The following SCN1A variants were observed in gnomAD, a reference collection of about 807,000 sequenced individuals.
SCN1A encodes the protein sodium voltage-gated channel alpha subunit 1, also known as sodium channel protein type 1 subunit alpha.
A neutral mutation model predicts 193.7 loss-of-function variants in SCN1A; 13 were observed. The ratio of observed to expected loss-of-function variants is 0.07; its 90% CI spans 0.04 to 0.11. The LOEUF is 0.11. Ranked by LOEUF, SCN1A falls within the 10% of genes least tolerant of loss-of-function variation. The probability of loss-of-function intolerance (pLI) is 1.00; values close to 1 mark genes in which losing one functional copy is unlikely to be tolerated. For synonymous variants in SCN1A, 781 were observed against 843.6 expected, an observed-to-expected ratio of 0.93 and a Z score of 1.29; for missense variants, 1,432 against 2,451.1, an observed-to-expected ratio of 0.58 and a Z score of 8.78.
At chr2:166,030,006 C>G (rs1695334699) in intron 19 of SCN1A, among the ~76,000 whole-genome samples, 1 of 152,150 alleles carries the variant, frequency 6.6e-6, no homozygotes, top group South Asian at 2.1e-4. Context: ...TGAAACACTC[C>G]AGACTATGCT....
chr2:166,027,208 C>T (rs939434881), intron 19 of SCN1A: 2 of 152,182 alleles, frequency 1.3e-5, no homozygotes, highest in Admixed American at 6.5e-5. Context: ...TCAATAACCA[C>T]TTAATAACTA....
intron 2 of SCN1A, among the ~76,000 whole-genome samples, chr2:166,097,948 T>C (rs991179801): frequency 4.6e-5 from 7 of 152,226 alleles, no homozygotes; most frequent in African/African-American, 1.7e-4. Context: ...ATAGAGGTCA[T>C]TGTAGAAATA....
At chr2:166,075,638 C>A (rs1301699828) in intron 3 of SCN1A, among the ~76,000 whole-genome samples, 1 of 151,874 alleles carries the variant, frequency 6.6e-6, no homozygotes, top group Non-Finnish European at 1.5e-5. Flanking sequence ...GCAAGTAATA[C>A]ATTTTTACAC....
At chr2:165,985,452 G>C (rs1393657250), downstream of SCN1A, 1 of 151,614 alleles carries the variant, frequency 6.6e-6, no homozygotes, top group Non-Finnish European at 1.5e-5. Context: ...GGAAGGAAAA[G>C]GGAAGGGAAA....
intron 4 of SCN1A, among the ~76,000 whole-genome samples, chr2:166,065,592 A>C (rs1205003615): frequency 6.6e-6 from 1 of 152,102 alleles, no homozygotes; most frequent in Non-Finnish European, 1.5e-5. Context: ...AGAGTATGCC[A>C]TATTTAATAT....
At chr2:166,050,629 A>ATATATATATATATATATATATATG (rs1553548949) in intron 9 of SCN1A, among the ~76,000 whole-genome samples, 1 of 79,148 alleles carries the variant, frequency 1.3e-5, no homozygotes, top group African/African-American at 5.7e-5. Context: ...ATATATATAT[A>ATATATATATATATATATATATATG]TATATATATG....
At chr2:166,104,679 G>A (rs966836704) in intron 2 of SCN1A, among the ~76,000 whole-genome samples, 2 of 152,116 alleles carry the variant, frequency 1.3e-5, no homozygotes, top group African/African-American at 4.8e-5. Context: ...GGAAGTGGAG[G>A]CTGCATGAGC....
At chr2:166,085,034 A>T (rs1007008111) in intron 2 of SCN1A, among the ~76,000 whole-genome samples, 2 of 152,178 alleles carry the variant, frequency 1.3e-5, no homozygotes, top group Non-Finnish European at 2.9e-5. Context: ...TGGTTCTCCC[A>T]TCCAGCCCAC....
At chr2:166,090,029 C>CTTTTTTTTTTTT (rs545740675) in intron 2 of SCN1A, among the ~76,000 whole-genome samples, 3 of 71,382 alleles carry the variant, frequency 4.2e-5, no homozygotes, top group Admixed American at 2.1e-4. Flanking sequence ...TCCTTCTTTC[C>CTTTTTTTTTTTT]TTTTTTTTTT....
At chr2:166,067,831 G>C (rs996161014) in intron 4 of SCN1A, among the ~76,000 whole-genome samples, 1 of 151,516 alleles carries the variant, frequency 6.6e-6, no homozygotes, top group Non-Finnish European at 1.5e-5. Flanking sequence ...TGGCAACACA[G>C]GTTAGTATAT....
rs142192023 is a variant in SCN1A at position 166,041,256 on chromosome 2, T to C, written c.2390A>G (p.Asn797Ser). 2 of 1,613,158 alleles carry C rather than the reference T, an allele frequency of 1.2e-6. No homozygotes were observed. Among genetic ancestry groups the C allele is most frequent in the East Asian group, 2.2e-5 (1 of 44,858 alleles). Residue 797 changes from asparagine (N) to serine (S), a missense_variant, in exon 16 of 29, where the codon AAT becomes AGT. Transcript: ENST00000674923. ...CAAGTTTCCTACTGTAAGCACATTA[T>C]TGAAATGGTCCGTCATTGGATAGTG... ...MEHYPMTDHFNNVLTVGNLVF... is the reference protein window; with the variant it reads ...MEHYPMTDHFSNVLTVGNLVF...
At chr2:166,148,913 G>A (rs1374536092) in intron 1 of SCN1A, 1 of 152,188 alleles carries the variant, frequency 6.6e-6, no homozygotes, top group Non-Finnish European at 1.5e-5. Flanking sequence ...ATTACTGGAA[G>A]ACTTACTATG....
chr2:166,066,270 C>T (rs987534742), intron 4 of SCN1A, among the ~76,000 whole-genome samples: 1 of 152,254 alleles, frequency 6.6e-6, no homozygotes, highest in East Asian at 1.9e-4. Flanking sequence ...TCAGAATGTA[C>T]ATACCATGGG....
At chr2:166,044,083 T>A in intron 13 of SCN1A, 34 bp from the exon 14 acceptor site, 1 of 1,611,688 alleles carries the variant, frequency 6.2e-7, no homozygotes, top group Non-Finnish European at 8.5e-7. Flanking sequence ...AATAAAGTCA[T>A]ATTAATATGG....
chr2:166,125,224 C>G (rs925060168), intron 2 of SCN1A, among the ~76,000 whole-genome samples: 3 of 152,178 alleles, frequency 2.0e-5, no homozygotes, highest in African/African-American at 7.2e-5. Context: ...GGTGACTATA[C>G]AGGACCTTCA....
At chr2:166,021,050 A>T (rs79647364) in intron 19 of SCN1A, among the ~76,000 whole-genome samples, 3,881 of 152,316 alleles carry the variant, frequency 0.025, 62 homozygotes, top group Non-Finnish European at 0.039. Context: ...AATTAGATTT[A>T]AAAAATGGTA....
intron 3 of SCN1A, chr2:166,075,491 T>A (rs1684902123): frequency 6.6e-6 from 1 of 152,062 alleles, no homozygotes; most frequent in Non-Finnish European, 1.5e-5. Flanking sequence ...TTATCTTAAT[T>A]TTTATAGATT....
chr2:166,015,861 T>G, intron 19 of SCN1A, 134 bp from the exon 20 acceptor site: 4 of 934,000 alleles, frequency 4.3e-6, no homozygotes, highest in Non-Finnish European at 6.7e-6. Context: ...AAAAGAGAGA[T>G]TGAATAAGGG....
intron 2 of SCN1A, among the ~76,000 whole-genome samples, chr2:166,098,438 C>A (rs1012466962): frequency 5.9e-5 from 9 of 152,096 alleles, no homozygotes; most frequent in Non-Finnish European, 1.2e-4. Context: ...TCCCTAAGAA[C>A]TGAAACGAAA....
Sources: gnomAD v4.1 joint callset for allele counts (sites outside exome capture counted in the v4.1 genomes callset) on GRCh38, gnomAD v4.1.1 for gene constraint, MANE v1.5 for transcripts, NCBI Gene and HGNC (gene_info 2026-07-23, HGNC 2026-07-21) for gene names.